ACTR1A: variants seen among roughly 807,000 people sequenced by gnomAD.
The protein encoded by ACTR1A is actin related protein 1A, also known as alpha-centractin.
A neutral mutation model predicts 50.7 loss-of-function variants in ACTR1A; 10 were observed. The observed-to-expected ratio is 0.20, with a 90% CI of 0.12 to 0.33. The LOEUF is 0.33. Ranked by LOEUF, ACTR1A falls within the 10% of genes least tolerant of loss-of-function variation. The pLI is 1.00. For missense variants in ACTR1A, 253 were observed against 491.7 expected, an observed-to-expected ratio of 0.51 and a Z score of 4.59; for synonymous variants, 177 against 184.2, an observed-to-expected ratio of 0.96 and a Z score of 0.32.
chr10:102,479,233 G>C lies in ACTR1A; in HGVS notation c.*1630C>G. 1.2e-6 allele frequency: 1 copy of C among 826,320 alleles called. No homozygotes were observed. The allele number at this position is 826,320 out of a possible 1,614,324, so 51.2% of individuals were successfully genotyped here. On this transcript the variant is annotated 3_prime_UTR_variant, in exon 11 of 11. Coordinates refer to ENST00000369905, the MANE Select transcript of ACTR1A (RefSeq NM_005736.4). The surrounding 1 kb of genome is among the most constrained non-coding windows in gnomAD (Gnocchi z 4.0). ...ACAGACAGATAGAGGCCCAGCTGAC[G>C]TGTCTATCGGAACGACTTTATTTCA...
At chr10:102,489,859 C>G (rs549490565) in intron 2 of ACTR1A, among the ~76,000 whole-genome samples, 14 of 131,208 alleles carry the variant, frequency 1.1e-4, no homozygotes, top group African/African-American at 3.8e-4. Context: ...CAGATAGCCT[C>G]TTCCTTTCCT....
Position 102,502,653 on chromosome 10 carries a change from AGGAATCTCTCCTTCTGG to A in ACTR1A, c.-23_-7del. The stretch of plus-strand genomic sequence containing the variant: ...ATCACATCGTAGGACTCCATGGCAG[AGGAATCTCTCCTTCTGG>A]GGAAGGAACTGCCCAGCCGGGTCCG... On this transcript the variant is annotated 5_prime_UTR_variant, in exon 1 of 11. Coordinates refer to ENST00000369905, the MANE Select transcript of ACTR1A (RefSeq NM_005736.4). 6.2e-7 allele frequency: 1 copy of A among 1,614,212 alleles called. No homozygotes were observed. Among genetic ancestry groups the A allele is most frequent in the Non-Finnish European group, 8.5e-7 (1 of 1,180,016 alleles).
In ACTR1A at chr10:102,479,677, CCACCT is replaced by C; in HGVS notation, c.*1181_*1185del. 7.8e-7 allele frequency: 1 copy of C among 1,289,454 alleles called. No individual in the cohort carries two copies. The highest frequency in any genetic ancestry group is 1.2e-5 in the South Asian group (1 of 81,024). 79.9% of individuals were successfully genotyped at this position (1,289,454 alleles called of 1,614,324 possible). On this transcript the variant is annotated 3_prime_UTR_variant, in exon 11 of 11. Transcript: ENST00000369905. The surrounding 1 kb of genome is among the most constrained non-coding windows in gnomAD (Gnocchi z 4.0). ...CAAGATCAGCCCAGAGGGGGCCTTCCCACCTCTACAACCTAGTCCCCTGGTCAGCT... is the reference window on the plus strand; with the variant it reads ...CAAGATCAGCCCAGAGGGGGCCTTCCCTACAACCTAGTCCCCTGGTCAGCT...
chr10:102,497,056 G>A (rs965516924), intron 1 of ACTR1A, among the ~76,000 whole-genome samples: 2 of 151,538 alleles, frequency 1.3e-5, no homozygotes, highest in African/African-American at 4.8e-5. Context: ...GTGCATGCCT[G>A]TAGTCCCAAC....
chr10:102,492,424 C>A (rs1158559036), intron 1 of ACTR1A, among the ~76,000 whole-genome samples: 1 of 152,102 alleles, frequency 6.6e-6, no homozygotes, highest in Non-Finnish European at 1.5e-5. Flanking sequence ...CCTTTCTAAC[C>A]CAACATGGTT....
chr10:102,498,631 G>A (rs2062233448), intron 1 of ACTR1A, among the ~76,000 whole-genome samples: 1 of 151,696 alleles, frequency 6.6e-6, no homozygotes, highest in African/African-American at 2.4e-5. Flanking sequence ...AGCAAGCCTG[G>A]CTAATTTTTT....
At chr10:102,494,627 C>A (rs1309412552) in intron 1 of ACTR1A, among the ~76,000 whole-genome samples, 1 of 151,782 alleles carries the variant, frequency 6.6e-6, no homozygotes, top group African/African-American at 2.4e-5. Context: ...AAGATAAGAC[C>A]CTGTCTCAAA....
chr10:102,483,182 T>A, intron 6 of ACTR1A, 79 bp from the exon 7 acceptor site: 1 of 1,086,868 alleles, frequency 9.2e-7, no homozygotes, highest in Non-Finnish European at 1.4e-6. Context: ...AGGAATGTGC[T>A]GCTGCACAAA....
At chr10:102,485,831 G>A (rs2296587) in intron 4 of ACTR1A, 98 bp from the exon 5 acceptor site, 459,695 of 1,535,614 alleles carry the variant, frequency 0.3, 73,029 homozygotes, top group Non-Finnish European at 0.33. Flanking sequence ...TTGAGAGCCC[G>A]GGGACTTCAG....
Position 102,485,635 on chromosome 10 carries a change from G to A in ACTR1A, c.414C>T (p.Phe138=). ...FFETFNVPAL[F]ISMQAVLSLY... ...GGCTGAGTACAGCTTGCATGGAGAT[G>A]AAAAGAGCGGGCACATTGAAGGTCT... is the stretch of plus-strand genomic sequence containing the variant. The change falls in exon 5 of 11, where the codon TTC becomes TTT. Residue 138 remains phenylalanine (F), a synonymous_variant. Coordinates refer to ENST00000369905, the MANE Select transcript of ACTR1A (RefSeq NM_005736.4). The A allele has an allele frequency of 1.2e-6, 2 of 1,613,960 alleles. No individual in the cohort carries two copies. Among genetic ancestry groups the A allele is most frequent in the Non-Finnish European group, 1.7e-6 (2 of 1,179,988 alleles).
At position 102,488,838 on chromosome 10, in the gene ACTR1A, T is replaced by C. The variant is rs2062180281; in HGVS notation, c.189+225A>G. 6.6e-6 allele frequency among the ~76,000 whole-genome samples: 1 copy of C among 152,182 alleles called. No homozygotes were observed. Among genetic ancestry groups the C allele is most frequent in the South Asian group, 2.1e-4 (1 of 4,826 alleles). On this transcript the variant is annotated intron_variant, in intron 3 of 10. Transcript: ENST00000369905. This position sits in a 1 kb window ranked among gnomAD's most constrained non-coding sequence, Gnocchi z 4.4. Reference sequence around the variant, plus strand: ...GCCCTGTTTCCTAGACTGGTCTCAGTGTGTCCCAAAGTGAGGTCCCAGGTA... The same window carrying C: ...GCCCTGTTTCCTAGACTGGTCTCAGCGTGTCCCAAAGTGAGGTCCCAGGTA...
chr10:102,488,976 A>G lies in ACTR1A; in HGVS notation c.189+87T>C. ...AAAGTTGCCCCTTTTACTTATGGGT[A>G]TGTCCAAATGTTGGGACATGTTCCA... On this transcript the variant is annotated intron_variant, in intron 3 of 10. Coordinates refer to ENST00000369905, the MANE Select transcript of ACTR1A (RefSeq NM_005736.4). The surrounding 1 kb of genome is among the most constrained non-coding windows in gnomAD (Gnocchi z 4.4). 1 of 979,786 alleles carries G rather than the reference A, an allele frequency of 1.0e-6. No homozygotes were observed. Among genetic ancestry groups the G allele is most frequent in the African/African-American group, 1.7e-5 (1 of 59,324 alleles). 60.7% of individuals were successfully genotyped at this position (979,786 alleles called of 1,614,324 possible).
rs556899027 is a variant in ACTR1A, at chr10:102,497,045, G to C, written c.48+5555C>G. Among the ~76,000 whole-genome samples, 3 of 152,148 alleles carry C rather than the reference G, an allele frequency of 2.0e-5. No individual in the cohort carries two copies. The South Asian group carries it at 6.2e-4, about 32-fold the overall frequency. Reference sequence around the variant, plus strand: ...AATACAAAAATTAGCTGGGCATGGTGGTGCATGCCTGTAGTCCCAACTACT... The same window carrying C: ...AATACAAAAATTAGCTGGGCATGGTCGTGCATGCCTGTAGTCCCAACTACT... On this transcript the variant is annotated intron_variant, in intron 1 of 10. Coordinates refer to ENST00000369905, the MANE Select transcript of ACTR1A (RefSeq NM_005736.4).
chr10:102,489,192 G>A, intron 2 of ACTR1A, 54 bp from the exon 3 acceptor site: 1 of 1,377,446 alleles, frequency 7.3e-7, no homozygotes, highest in East Asian at 2.6e-5. Context: ...CAGAACACAG[G>A]AAGGATGTAT....
At chr10:102,495,738 A>G (rs1418922456) in intron 1 of ACTR1A, among the ~76,000 whole-genome samples, 1 of 147,342 alleles carries the variant, frequency 6.8e-6, no homozygotes, top group African/African-American at 2.5e-5. Flanking sequence ...CAAAATAAAT[A>G]AATAAATAAA....
In ACTR1A at chr10:102,488,222, C is replaced by G. The variant is rs1244588781; in HGVS notation, c.243G>C (p.Lys81Asn). ...IRYPMEHGIV[K>N]DWNDMERIWQ... ...AAATGCGTTCCATGTCGTTCCAATC[C>G]TTGACGATGCCATGCTCCATGGGAT... The change falls in exon 4 of 11, where the codon AAG (lysine) becomes AAC (asparagine). Residue 81 changes from lysine (K) to asparagine (N), a missense_variant. Transcript: ENST00000369905. The surrounding 1 kb of genome is among the most constrained non-coding windows in gnomAD (Gnocchi z 4.4). 1.2e-6 allele frequency: 2 copies of G among 1,613,958 alleles called. No individual in the cohort carries two copies. Among genetic ancestry groups the G allele is most frequent in the South Asian group, 2.2e-5 (2 of 91,090 alleles).
chr10:102,492,941 G>A (rs1382246504), intron 1 of ACTR1A, among the ~76,000 whole-genome samples: 5 of 137,550 alleles, frequency 3.6e-5, no homozygotes, highest in Non-Finnish European at 7.5e-5. Context: ...GGTGGAGGTT[G>A]CAGTGAGCCA....
chr10:102,480,365 A>T lies in ACTR1A; in HGVS notation c.*498T>A. ...CAGCCTCCCAAACCAAAATGGCAAC[A>T]AAACCAGACAGAACTCAACCCCAGT... On this transcript the variant is annotated 3_prime_UTR_variant, in exon 11 of 11. Transcript: ENST00000369905. 6.0e-6 allele frequency: 1 copy of T among 167,146 alleles called. No individual in the cohort carries two copies. The highest frequency in any genetic ancestry group is 1.7e-4 in the East Asian group (1 of 5,908). 10.4% of individuals were successfully genotyped at this position (167,146 alleles called of 1,614,324 possible).
chr10:102,481,773 G>A (rs1396398319), intron 9 of ACTR1A, 64 bp downstream of exon 9: 6 of 1,581,330 alleles, frequency 3.8e-6, no homozygotes, highest in South Asian at 1.1e-5. Context: ...GGGAAGCTAC[G>A]CCAGGTGGCA....
Sources: allele counts gnomAD v4.1 joint callset (sites outside exome capture counted in the v4.1 genomes callset), GRCh38; gene constraint gnomAD v4.1.1; non-coding constraint Gnocchi (gnomAD v3.1); transcripts MANE v1.5; gene names NCBI Gene and HGNC (gene_info 2026-07-23, HGNC 2026-07-21).